Variants in GNG4 observed in about 807,000 individuals in gnomAD.
The protein encoded by GNG4 is guanine nucleotide-binding protein G(I)/G(S)/G(O) subunit gamma-4.
Under a neutral mutation model 5.8 loss-of-function variants are expected in GNG4, and 4 were observed. The observed-to-expected ratio is 0.69, with a 90% CI of 0.34 to 1.57. The LOEUF (loss-of-function observed/expected upper bound fraction) is 1.57. Ranked by LOEUF, GNG4 falls within the 40% of genes most tolerant of loss-of-function variation. The pLI is 0.06. For synonymous variants in GNG4, 29 were observed against 32.9 expected, an observed-to-expected ratio of 0.88 and a Z score of 0.41; for missense variants, 96 against 95.1, an observed-to-expected ratio of 1.01 and a Z score of -0.04.
chr1:235,565,282 C>G (rs1185088447), intron 3 of GNG4, among the ~76,000 whole-genome samples: 2 of 152,050 alleles, frequency 1.3e-5, no homozygotes, highest in Non-Finnish European at 2.9e-5. Context: ...GGGCGGATCA[C>G]CTGAGGTCAG....
At chr1:235,587,670 C>A (rs1558486492) in intron 2 of GNG4, among the ~76,000 whole-genome samples, 2 of 10,278 alleles carry the variant, frequency 1.9e-4, no homozygotes, top group African/African-American at 8.4e-4. Flanking sequence ...GTGTGTGTGA[C>A]TGTGGGGTAT....
At chr1:235,595,909 TC>T (rs57401476) in intron 1 of GNG4, among the ~76,000 whole-genome samples, 30,918 of 151,986 alleles carry the variant, frequency 0.2, 3,476 homozygotes, top group Middle Eastern at 0.28. Flanking sequence ...GCGCGGTGGC[TC>T]ATGCCTGTAA....
At chr1:235,590,778 C>G (rs151170137) in intron 2 of GNG4, among the ~76,000 whole-genome samples, 1 of 152,324 alleles carries the variant, frequency 6.6e-6, no homozygotes, top group Non-Finnish European at 1.5e-5. Flanking sequence ...CAGGCTGATT[C>G]TGGCCCGTAC....
intron 3 of GNG4, among the ~76,000 whole-genome samples, chr1:235,560,297 T>G (rs1687024519): frequency 6.6e-6 from 1 of 152,146 alleles, no homozygotes; most frequent in Non-Finnish European, 1.5e-5. Flanking sequence ...AGTTATTAGG[T>G]GATGAGGGCT....
chr1:235,632,768 G>C (rs888770225), intron 1 of GNG4, among the ~76,000 whole-genome samples: 1 of 152,020 alleles, frequency 6.6e-6, no homozygotes. Flanking sequence ...CATTGTCATC[G>C]GCCTTTGTTG....
chr1:235,593,622 C>G (rs10926175), intron 2 of GNG4, among the ~76,000 whole-genome samples: 55,399 of 152,032 alleles, frequency 0.36, 10,986 homozygotes, highest in East Asian at 0.79. Context: ...GCGGCGTGTC[C>G]GGAGTTTGCT....
chr1:235,604,389 C>A (rs909901658), intron 1 of GNG4, among the ~76,000 whole-genome samples: 5 of 152,242 alleles, frequency 3.3e-5, no homozygotes, highest in Non-Finnish European at 7.3e-5. Flanking sequence ...CAAATTACTA[C>A]AAACCGTGTG....
chr1:235,619,785 T>C (rs1338734096), intron 1 of GNG4, among the ~76,000 whole-genome samples: 1 of 152,210 alleles, frequency 6.6e-6, no homozygotes, highest in East Asian at 1.9e-4. Context: ...AGTTTATGAC[T>C]CTGGAAGATT....
chr1:235,630,599 G>C (rs571462181), intron 1 of GNG4, among the ~76,000 whole-genome samples: 2 of 152,188 alleles, frequency 1.3e-5, no homozygotes, highest in Admixed American at 1.3e-4. Flanking sequence ...CCTGTCATAC[G>C]CAAGTCCTGT....
chr1:235,553,326 C>T (rs1337980609), intron 3 of GNG4, among the ~76,000 whole-genome samples: 1 of 152,154 alleles, frequency 6.6e-6, no homozygotes. Context: ...GATAAATGGC[C>T]TGTGCATTAA....
intron 3 of GNG4, among the ~76,000 whole-genome samples, chr1:235,581,936 C>T (rs2102940102): frequency 6.6e-6 from 1 of 152,282 alleles, no homozygotes; most frequent in South Asian, 2.1e-4. Context: ...AATTTATCTT[C>T]CTTGCCAGAA....
intron 1 of GNG4, among the ~76,000 whole-genome samples, chr1:235,608,684 T>A (rs546242968): frequency 3.5e-4 from 43 of 122,056 alleles, no homozygotes; most frequent in African/African-American, 1.6e-3. Flanking sequence ...TTTTTTATTT[T>A]TTATTTTTTT....
At chr1:235,612,000 G>C (rs1280532459) in intron 1 of GNG4, among the ~76,000 whole-genome samples, 1 of 140,320 alleles carries the variant, frequency 7.1e-6, no homozygotes, top group African/African-American at 2.7e-5. Context: ...GGAGGTTGAG[G>C]TTACAATGAG....
At chr1:235,593,361 C>T (rs1409904827) in intron 2 of GNG4, among the ~76,000 whole-genome samples, 3 of 152,214 alleles carry the variant, frequency 2.0e-5, no homozygotes, top group African/African-American at 7.2e-5. Flanking sequence ...TCTGACCTGA[C>T]CTGACTCACG....
At chr1:235,586,380 G>A (rs954969604) in intron 2 of GNG4, among the ~76,000 whole-genome samples, 4 of 138,470 alleles carry the variant, frequency 2.9e-5, no homozygotes, top group African/African-American at 6.6e-5. Context: ...CCATCTCTCC[G>A]TGTGTGTGTG....
At chr1:235,592,980 C>T (rs1403031755) in intron 2 of GNG4, among the ~76,000 whole-genome samples, 1 of 147,618 alleles carries the variant, frequency 6.8e-6, no homozygotes, top group Admixed American at 6.8e-5. Context: ...TGGAGTCTTG[C>T]TCTTTTACCC....
rs1657567300 is a variant in GNG4 at position 235,648,398 on chromosome 1, T to G, written c.-123+1264A>C. On this transcript the variant is annotated intron_variant, in intron 1 of 3. Transcript: ENST00000391854. This position sits in a 1 kb window ranked among gnomAD's most constrained non-coding sequence, Gnocchi z 5.0. ...CAAAAACAATCCAGTTTATAGGTCCTCTGTCTGTTTCTCCGGGCTGGAAAA... is the reference window on the plus strand; with the variant it reads ...CAAAAACAATCCAGTTTATAGGTCCGCTGTCTGTTTCTCCGGGCTGGAAAA... Among the ~76,000 whole-genome samples the G allele has an allele frequency of 6.6e-6, 1 of 152,242 alleles. No individual in the cohort carries two copies. Among genetic ancestry groups the G allele is most frequent in the Admixed American group, 6.5e-5 (1 of 15,284 alleles).
intron 3 of GNG4, among the ~76,000 whole-genome samples, chr1:235,557,151 A>G (rs750236959): frequency 6.6e-6 from 1 of 151,616 alleles, no homozygotes; most frequent in Non-Finnish European, 1.5e-5. Context: ...CCCGTTTTAT[A>G]CTACACAGAA....
intron 1 of GNG4, among the ~76,000 whole-genome samples, chr1:235,625,463 A>G (rs1049016220): frequency 2.6e-5 from 4 of 152,200 alleles, no homozygotes; most frequent in Admixed American, 6.5e-5. Flanking sequence ...AGTTTACAAT[A>G]GGGCTCACTC....
Sources: gnomAD v4.1 joint callset for allele counts (sites outside exome capture counted in the v4.1 genomes callset) on GRCh38, gnomAD v4.1.1 for gene constraint, Gnocchi (gnomAD v3.1) non-coding constraint, MANE v1.5 for transcripts, NCBI Gene and HGNC (gene_info 2026-07-23, HGNC 2026-07-21) for gene names.